Variants in ARHGEF3 observed in about 807,000 individuals in gnomAD.
ARHGEF3 encodes Rho guanine nucleotide exchange factor 3, also known as 59.8 kDA protein.
ARHGEF3 carries 28 observed loss-of-function variants against 63.2 expected under a neutral mutation model. The ratio of observed to expected loss-of-function variants is 0.44; its 90% CI spans 0.33 to 0.61. The LOEUF (loss-of-function observed/expected upper bound fraction) is 0.61, where lower values mean the gene tolerates loss of function less well. Among genes scored for constraint, ARHGEF3 ranks in the 20% least tolerant of loss-of-function variants. The probability of loss-of-function intolerance (pLI) is 0.03; values close to 1 mark genes in which losing one functional copy is unlikely to be tolerated. For missense variants in ARHGEF3, 533 were observed against 659.3 expected (o/e 0.81, Z 2.10); for synonymous variants, 266 against 254.2 (o/e 1.05, Z -0.44).
chr3:56,782,009 T>C (rs550746894), intron 1 of ARHGEF3, among the ~76,000 whole-genome samples: 1 of 152,256 alleles, frequency 6.6e-6, no homozygotes, highest in East Asian at 1.9e-4. Context: ...GAGGCCTTCA[T>C]AGAGCTGCCT....
At chr3:56,935,536 G>T (rs1432605828) in intron 3 of ARHGEF3, among the ~76,000 whole-genome samples, 1 of 152,054 alleles carries the variant, frequency 6.6e-6, no homozygotes, top group African/African-American at 2.4e-5. Flanking sequence ...AACACTCACC[G>T]TGAAGATCTG....
chr3:56,850,068 C>A (rs72867785), intron 4 of ARHGEF3, among the ~76,000 whole-genome samples: 1 of 152,130 alleles, frequency 6.6e-6, no homozygotes, highest in Admixed American at 6.5e-5. Context: ...TAACACACAG[C>A]CCGAGCCTTA....
intron 1 of ARHGEF3, among the ~76,000 whole-genome samples, chr3:57,067,719 T>C (rs1182073351): frequency 3.3e-5 from 5 of 150,102 alleles, no homozygotes; most frequent in Non-Finnish European, 7.4e-5. Context: ...CGGTGGCTCA[T>C]GCCTGTAATC....
intron 2 of ARHGEF3, among the ~76,000 whole-genome samples, chr3:56,988,689 A>T (rs1051335459): frequency 2.0e-5 from 3 of 152,126 alleles, no homozygotes; most frequent in Non-Finnish European, 2.9e-5. Context: ...CTGTCTCTTT[A>T]ATTTTTGTAC....
At chr3:56,777,584 A>G (rs1179283253) in intron 1 of ARHGEF3, among the ~76,000 whole-genome samples, 1 of 152,224 alleles carries the variant, frequency 6.6e-6, no homozygotes, top group Non-Finnish European at 1.5e-5. Context: ...GAAAATGCCT[A>G]TCGTACCAAT....
chr3:56,799,696 T>G (rs951860799), intron 1 of ARHGEF3, among the ~76,000 whole-genome samples: 2 of 152,204 alleles, frequency 1.3e-5, no homozygotes, highest in African/African-American at 4.8e-5. Context: ...GGCTGCCTTT[T>G]GCGCTGATAA....
chr3:56,790,660 CG>C (rs1232576065), intron 1 of ARHGEF3, among the ~76,000 whole-genome samples: 1 of 152,204 alleles, frequency 6.6e-6, no homozygotes, highest in African/African-American at 2.4e-5. Context: ...GAAATGCCTG[CG>C]TGACTTGCGA....
intron 4 of ARHGEF3, among the ~76,000 whole-genome samples, chr3:56,817,889 G>A (rs531998669): frequency 6.6e-6 from 1 of 152,308 alleles, no homozygotes; most frequent in Admixed American, 6.5e-5. Flanking sequence ...CCATGGGCAA[G>A]TGGCTTTATA....
At chr3:57,024,556 C>T (rs1328274036) in intron 2 of ARHGEF3, among the ~76,000 whole-genome samples, 1 of 152,210 alleles carries the variant, frequency 6.6e-6, no homozygotes, top group East Asian at 1.9e-4. Flanking sequence ...GGTGCGATCT[C>T]GGCTCACTGC....
intron 4 of ARHGEF3, among the ~76,000 whole-genome samples, chr3:56,866,087 C>T (rs915310141): frequency 2.6e-5 from 4 of 152,136 alleles, no homozygotes; most frequent in Admixed American, 1.3e-4. Context: ...ATTGCTTGAG[C>T]CCAGAAGGTC....
chr3:56,837,394 G>A (rs1266330005), intron 4 of ARHGEF3, among the ~76,000 whole-genome samples: 1 of 152,158 alleles, frequency 6.6e-6, no homozygotes, highest in African/African-American at 2.4e-5. Context: ...CACCAGCTGA[G>A]CTAACTGGAA....
chr3:57,073,654 A>C, intron 1 of ARHGEF3: 1 of 1,577,626 alleles, frequency 6.3e-7, no homozygotes, highest in Non-Finnish European at 8.6e-7. Context: ...CAAGTGCCCC[A>C]GCCTCCTTTT....
chr3:56,794,638 A>G (rs2037256670), intron 1 of ARHGEF3, among the ~76,000 whole-genome samples: 10 of 152,148 alleles, frequency 6.6e-5, no homozygotes, highest in Admixed American at 6.5e-4. Context: ...TGGTTCCAGA[A>G]CCCTCTCAGA....
intron 1 of ARHGEF3, among the ~76,000 whole-genome samples, chr3:57,078,006 G>A (rs1477878150): frequency 6.6e-6 from 1 of 152,160 alleles, no homozygotes; most frequent in Non-Finnish European, 1.5e-5. Flanking sequence ...GAGAAGCTAG[G>A]GCTGTGCACG....
intron 4 of ARHGEF3, among the ~76,000 whole-genome samples, chr3:56,836,753 C>T (rs2039124439): frequency 6.6e-6 from 1 of 151,992 alleles, no homozygotes; most frequent in South Asian, 2.1e-4. Flanking sequence ...TGGCAAAACC[C>T]CATCTCTACA....
chr3:56,966,494 A>T (rs1700500077), intron 2 of ARHGEF3, among the ~76,000 whole-genome samples: 1 of 152,212 alleles, frequency 6.6e-6, no homozygotes, highest in Non-Finnish European at 1.5e-5. Context: ...TTATAATAAC[A>T]TATATTAGCT....
At chr3:56,750,158 C>G (rs1157207029) in intron 6 of ARHGEF3, among the ~76,000 whole-genome samples, 1 of 152,204 alleles carries the variant, frequency 6.6e-6, no homozygotes. Flanking sequence ...GCAAAGTAAT[C>G]TCCTCTCATT....
intron 1 of ARHGEF3, among the ~76,000 whole-genome samples, chr3:57,050,309 C>G (rs1039345132): frequency 6.6e-6 from 1 of 152,212 alleles, no homozygotes; most frequent in African/African-American, 2.4e-5. Flanking sequence ...AGGGCCTTCC[C>G]ACAGGTTGTT....
At chr3:56,941,264 C>G (rs4681936) in intron 3 of ARHGEF3, among the ~76,000 whole-genome samples, 101,150 of 152,138 alleles carry the variant, frequency 0.66, 34,050 homozygotes, top group Middle Eastern at 0.73. Context: ...CTGGAGTGCA[C>G]TGGCATGATC....
Sources: gnomAD v4.1 joint callset for allele counts (sites outside exome capture counted in the v4.1 genomes callset) on GRCh38, gnomAD v4.1.1 for gene constraint, MANE v1.5 for transcripts, NCBI Gene and HGNC (gene_info 2026-07-23, HGNC 2026-07-21) for gene names.